The following USP32 variants were observed in gnomAD, a reference collection of about 807,000 sequenced individuals.
USP32 encodes ubiquitin carboxyl-terminal hydrolase 32.
A neutral mutation model predicts 204.8 loss-of-function variants in USP32; 59 were observed. The ratio of observed to expected loss-of-function variants is 0.29; its 90% CI spans 0.23 to 0.36. The LOEUF (loss-of-function observed/expected upper bound fraction) is 0.36, where lower values mean the gene tolerates loss of function less well. Among genes scored for constraint, USP32 ranks in the 10% least tolerant of loss-of-function variants. The probability of loss-of-function intolerance (pLI) is 1.00; values close to 1 mark genes in which losing one functional copy is unlikely to be tolerated. For missense variants in USP32, 1,160 were observed against 1,946.4 expected (o/e 0.60, Z 7.60); for synonymous variants, 517 against 678.4 (o/e 0.76, Z 3.70).
chr17:60,346,475 T>C (rs2088788556), intron 1 of USP32, among the ~76,000 whole-genome samples: 1 of 152,224 alleles, frequency 6.6e-6, no homozygotes, highest in African/African-American at 2.4e-5. Context: ...TCTTCAAGTT[T>C]AGCTTGGATT....
At chr17:60,217,876 T>C (rs545395979) in intron 16 of USP32, among the ~76,000 whole-genome samples, 2,159 of 151,904 alleles carry the variant, frequency 0.014, 43 homozygotes, top group African/African-American at 0.048. Flanking sequence ...TAGCTGAGAC[T>C]ACAGGGCACA....
intron 8 of USP32, 107 bp downstream of exon 8, chr17:60,265,869 G>T: frequency 1.2e-6 from 1 of 830,242 alleles, no homozygotes; most frequent in South Asian, 1.8e-5. Context: ...GCATAATGTA[G>T]TAACTAAAAG....
At chr17:60,209,283 T>G (rs1247957266) in intron 22 of USP32, 87 bp downstream of exon 22, 15 of 653,400 alleles carry the variant, frequency 2.3e-5, no homozygotes, top group Non-Finnish European at 3.5e-5. Context: ...CTCAGAATAG[T>G]TGAGTTTGCA....
At chr17:60,410,440 G>A (rs374141192) in intron 1 of USP32, among the ~76,000 whole-genome samples, 64 of 152,156 alleles carry the variant, frequency 4.2e-4, no homozygotes, top group Non-Finnish European at 8.2e-4. Flanking sequence ...AGGCTGAGGC[G>A]GGCAGATCAC....
chr17:60,185,797 C>T, intron 29 of USP32, 146 bp from the exon 30 acceptor site: 2 of 993,690 alleles, frequency 2.0e-6, no homozygotes, highest in Non-Finnish European at 2.8e-6. Context: ...TATGGTGGCT[C>T]ATGCCTGTAA....
intron 9 of USP32, among the ~76,000 whole-genome samples, chr17:60,262,254 T>C (rs1200919883): frequency 6.6e-6 from 1 of 152,222 alleles, no homozygotes; most frequent in Non-Finnish European, 1.5e-5. Context: ...TGCAATGGTG[T>C]CATCTTGGCT....
chr17:60,354,618 G>C (rs1019479109), intron 1 of USP32, among the ~76,000 whole-genome samples: 3 of 152,138 alleles, frequency 2.0e-5, no homozygotes, highest in African/African-American at 7.2e-5. Flanking sequence ...GCTAAAAAAA[G>C]CTACTGCAGA....
intron 12 of USP32, among the ~76,000 whole-genome samples, chr17:60,235,082 G>C (rs1381917754): frequency 6.6e-6 from 1 of 152,070 alleles, no homozygotes; most frequent in Non-Finnish European, 1.5e-5. Context: ...GTTTATAAGG[G>C]ACACGCTGCT....
intron 2 of USP32, among the ~76,000 whole-genome samples, chr17:60,314,557 G>A (rs938676743): frequency 6.6e-6 from 1 of 151,740 alleles, no homozygotes; most frequent in South Asian, 2.1e-4. Flanking sequence ...AGCTAGAACT[G>A]GGGGTGGGGG....
At chr17:60,363,182 CGGT>C (rs2089244277) in intron 1 of USP32, among the ~76,000 whole-genome samples, 1 of 151,562 alleles carries the variant, frequency 6.6e-6, no homozygotes, top group South Asian at 2.1e-4. Flanking sequence ...AGGCCAGGCG[CGGT>C]GGCTCACACC....
intron 3 of USP32, among the ~76,000 whole-genome samples, chr17:60,299,454 GAGA>G (rs556498759): frequency 1.8e-4 from 27 of 152,182 alleles, no homozygotes; most frequent in Non-Finnish European, 3.4e-4. Flanking sequence ...AAGAGGGAGA[GAGA>G]AGGAGGCTGA....
intron 2 of USP32, among the ~76,000 whole-genome samples, chr17:60,330,449 T>TTTTC (rs1232864398): frequency 1.3e-5 from 2 of 151,958 alleles, no homozygotes; most frequent in Non-Finnish European, 2.9e-5. Context: ...CTTTCTTTTC[T>TTTTC]TTTCTTCCTT....
At chr17:60,366,558 A>AT (rs925670338) in intron 1 of USP32, among the ~76,000 whole-genome samples, 3 of 151,834 alleles carry the variant, frequency 2.0e-5, no homozygotes, top group African/African-American at 7.3e-5. Context: ...GAGCCACTGC[A>AT]CCCAGCCCGC....
intron 11 of USP32, among the ~76,000 whole-genome samples, chr17:60,250,190 A>G (rs992501809): frequency 1.3e-5 from 2 of 152,184 alleles, no homozygotes; most frequent in African/African-American, 4.8e-5. Flanking sequence ...ACTTCTATAA[A>G]TCTTGGTTTC....
In USP32 at chr17:60,178,935, C is replaced by G. The variant is rs982203478; in HGVS notation, c.*320G>C. On this transcript the variant is annotated 3_prime_UTR_variant, in exon 34 of 34. Transcript: ENST00000300896. The stretch of plus-strand genomic sequence containing the variant: ...ATGATTATGGTAAACTCTATACTCA[C>G]TACATATTTGTTCATATCTGGACAA... Among the ~76,000 whole-genome samples the G allele has an allele frequency of 2.6e-5, 4 of 152,242 alleles. No homozygotes were observed. Among genetic ancestry groups the G allele is most frequent in the African/African-American group, 9.6e-5 (4 of 41,466 alleles).
chr17:60,190,935 C>T (rs986597880), intron 28 of USP32, among the ~76,000 whole-genome samples: 2 of 152,122 alleles, frequency 1.3e-5, no homozygotes, highest in Non-Finnish European at 2.9e-5. Context: ...CTGTTAATCA[C>T]AGGAAGATGT....
intron 19 of USP32, 142 bp downstream of exon 19, chr17:60,211,882 T>A (rs1345820427): frequency 1.9e-5 from 13 of 695,646 alleles, no homozygotes; most frequent in Non-Finnish European, 3.0e-5. Context: ...CAAATGCTGC[T>A]TCAGGAAAAA....
intron 1 of USP32, among the ~76,000 whole-genome samples, chr17:60,372,906 C>T (rs1385552286): frequency 6.7e-6 from 1 of 150,020 alleles, no homozygotes; most frequent in Non-Finnish European, 1.5e-5. Flanking sequence ...TGGTGACTCA[C>T]ATCTGTAATC....
At position 60,392,097 on chromosome 17, in the gene USP32, C is replaced by T; in HGVS notation, c.-158G>A. ...AGTGCGGCTTCTGCCCCGGCGGCTCCTCCCGGTCGCCGCCACCGCCTCCAT... is the reference window on the plus strand; with the variant it reads ...AGTGCGGCTTCTGCCCCGGCGGCTCTTCCCGGTCGCCGCCACCGCCTCCAT... On this transcript the variant is annotated 5_prime_UTR_variant, in exon 1 of 34. Transcript: ENST00000300896. The T allele has an allele frequency of 1.3e-6, 1 of 753,722 alleles. No individual in the cohort carries two copies. The allele number at this position is 753,722 out of a possible 1,614,324, so 46.7% of individuals were successfully genotyped here. A position where few individuals can be genotyped will look rare whatever the true frequency, so the allele number is the denominator to read the frequency against.
Sources: gnomAD v4.1 joint callset for allele counts (sites outside exome capture counted in the v4.1 genomes callset) on GRCh38, gnomAD v4.1.1 for gene constraint, MANE v1.5 for transcripts, NCBI Gene and HGNC (gene_info 2026-07-23, HGNC 2026-07-21) for gene names.